Variants in TMC7 observed in about 807,000 individuals in gnomAD.
TMC7 encodes the protein transmembrane channel like 7.
In TMC7, 54 loss-of-function variants were observed where a neutral mutation model predicts 82.9. That is an observed-to-expected ratio of 0.65 (90% CI 0.52 to 0.82). The LOEUF is 0.82. Ranked by LOEUF, TMC7 falls within the 40% of genes least tolerant of loss-of-function variation. TMC7 has a pLI of 0.00. For missense variants in TMC7, 820 were observed against 901.2 expected (o/e 0.91, Z 1.15); for synonymous variants, 350 against 337.9 (o/e 1.04, Z -0.39).
In TMC7 at chr16:19,062,082, A is replaced by G; in HGVS notation, c.*239A>G. 4.9e-6 allele frequency: 2 copies of G among 408,958 alleles called. No homozygotes were observed. The highest frequency in any genetic ancestry group is 8.7e-6 in the Non-Finnish European group (2 of 231,106). The allele number at this position is 408,958 out of a possible 1,614,324, so 25.3% of individuals were successfully genotyped here. Reference sequence around the variant, plus strand: ...CCTGCAGACCGGCCACTCTGTGACAACTCTACCAAAAACCAACAAGCCATT... The same window carrying G: ...CCTGCAGACCGGCCACTCTGTGACAGCTCTACCAAAAACCAACAAGCCATT... On this transcript the variant is annotated 3_prime_UTR_variant, in exon 16 of 16. Transcript: ENST00000304381.
chr16:19,020,067 G>A (rs1038037864), intron 3 of TMC7, among the ~76,000 whole-genome samples: 3 of 152,084 alleles, frequency 2.0e-5, no homozygotes, highest in African/African-American at 7.2e-5. Flanking sequence ...ATCAATCGAT[G>A]TAATTCACCA....
intron 11 of TMC7, among the ~76,000 whole-genome samples, chr16:19,046,593 G>C (rs549770987): frequency 6.6e-6 from 1 of 152,188 alleles, no homozygotes; most frequent in South Asian, 2.1e-4. Context: ...CCTAGCACTG[G>C]GGAGGCCAAG....
In TMC7 at chr16:19,061,939, T is replaced by C; in HGVS notation, c.*96T>C. The C allele has an allele frequency of 3.0e-6, 3 of 995,086 alleles. No homozygotes were observed. Among genetic ancestry groups the C allele is most frequent in the Non-Finnish European group, 4.4e-6 (3 of 680,344 alleles). The allele number at this position is 995,086 out of a possible 1,614,324, so 61.6% of individuals were successfully genotyped here. ...AGTCTACCTGGGTTTTGAGTGGACA[T>C]TTAAAAATATATTTTTCTTGAGTTT... On this transcript the variant is annotated 3_prime_UTR_variant, in exon 16 of 16. Transcript: ENST00000304381.
chr16:19,029,744 G>T (rs1464001410), intron 5 of TMC7, among the ~76,000 whole-genome samples: 1 of 148,730 alleles, frequency 6.7e-6, no homozygotes, highest in Non-Finnish European at 1.5e-5. Flanking sequence ...TCAGTGTTAT[G>T]ATCTCAGCTC....
At chr16:18,993,689 G>T (rs1481280576) in intron 1 of TMC7, among the ~76,000 whole-genome samples, 1 of 152,144 alleles carries the variant, frequency 6.6e-6, no homozygotes, top group Admixed American at 6.6e-5. Context: ...TATTAGAGAG[G>T]CATTAATGAT....
chr16:19,002,813 C>T (rs1390788382), intron 1 of TMC7, among the ~76,000 whole-genome samples: 5 of 152,232 alleles, frequency 3.3e-5, no homozygotes, highest in Admixed American at 6.5e-5. Flanking sequence ...CAGCAGCCCA[C>T]GCTGACCACA....
chr16:19,045,690 AG>A (rs1961245769), intron 11 of TMC7, among the ~76,000 whole-genome samples: 2 of 141,452 alleles, frequency 1.4e-5, no homozygotes, highest in African/African-American at 5.3e-5. Flanking sequence ...TCCGCCTCCC[AG>A]GTTCAAGCGA....
intron 8 of TMC7, among the ~76,000 whole-genome samples, chr16:19,039,260 T>G (rs1960902229): frequency 6.6e-6 from 1 of 151,632 alleles, no homozygotes; most frequent in African/African-American, 2.4e-5. Context: ...CTGGCTAATT[T>G]TTGTATTTTT....
At chr16:19,044,023 C>T (rs1961144172) in intron 9 of TMC7, among the ~76,000 whole-genome samples, 1 of 152,132 alleles carries the variant, frequency 6.6e-6, no homozygotes, top group African/African-American at 2.4e-5. Flanking sequence ...GCGTGTGCCA[C>T]CACACCCAGC....
chr16:19,047,099 T>A lies in TMC7; in HGVS notation c.1590T>A (p.Ile530=). 1 of 1,613,034 alleles carries A rather than the reference T, an allele frequency of 6.2e-7. No homozygotes were observed. Among genetic ancestry groups the A allele is most frequent in the Non-Finnish European group, 8.5e-7 (1 of 1,179,688 alleles). Residue 530 remains isoleucine (I), a synonymous_variant, in exon 12 of 16, where the codon ATT becomes ATA. Coordinates refer to ENST00000304381, the MANE Select transcript of TMC7 (RefSeq NM_024847.4). The stretch of plus-strand genomic sequence containing the variant: ...CCTACTGTTCCTCTTGCAAGCTGAT[T>A]CAGTGCTGGGGGCAGCAGGAGTTTG... The part of the protein sequence containing the change: ...LVTYCSSCKL[I]QCWGQQEFAI...
intron 1 of TMC7, among the ~76,000 whole-genome samples, chr16:18,997,492 C>T (rs1487965138): frequency 1.3e-5 from 2 of 152,160 alleles, no homozygotes; most frequent in Non-Finnish European, 1.5e-5. Context: ...GCCTTAGCCC[C>T]CCAAGTAGCT....
At chr16:19,001,961 C>G (rs2039148575) in intron 1 of TMC7, among the ~76,000 whole-genome samples, 1 of 152,170 alleles carries the variant, frequency 6.6e-6, no homozygotes. Context: ...TTCCATGATA[C>G]TTTGTGTGGG....
chr16:19,008,930 G>T (rs1000330992), intron 1 of TMC7, among the ~76,000 whole-genome samples: 1 of 152,160 alleles, frequency 6.6e-6, no homozygotes, highest in African/African-American at 2.4e-5. Context: ...AAACACTGGA[G>T]ATCAGATATT....
intron 6 of TMC7, among the ~76,000 whole-genome samples, chr16:19,032,830 C>T (rs183196397): frequency 2.0e-4 from 30 of 152,156 alleles, no homozygotes; most frequent in Admixed American, 7.2e-4. Flanking sequence ...GGTTTCACGA[C>T]GTTGGCCAGG....
At position 18,984,010 on chromosome 16, in the gene TMC7, C is replaced by T; in HGVS notation, c.-54C>T. 2.2e-6 allele frequency: 3 copies of T among 1,369,616 alleles called. No individual in the cohort carries two copies. The highest frequency in any genetic ancestry group is 1.9e-6 in the Non-Finnish European group (2 of 1,068,012). 84.8% of individuals were successfully genotyped at this position (1,369,616 alleles called of 1,614,324 possible). A position where few individuals can be genotyped will look rare whatever the true frequency, so the allele number is the denominator to read the frequency against. On this transcript the variant is annotated 5_prime_UTR_variant, in exon 1 of 16. Coordinates refer to ENST00000304381, the MANE Select transcript of TMC7 (RefSeq NM_024847.4). The stretch of plus-strand genomic sequence containing the variant: ...GGGAAGGCCGGGGAGGCGGCGGCGG[C>T]GGCGGCGGCTGGAGAGGGTCCTCGG...
intron 5 of TMC7, among the ~76,000 whole-genome samples, chr16:19,024,289 C>T (rs564484115): frequency 3.9e-5 from 6 of 152,142 alleles, no homozygotes; most frequent in South Asian, 2.1e-4. Flanking sequence ...GGCGTGGTGG[C>T]GTGCACCTGT....
intron 5 of TMC7, among the ~76,000 whole-genome samples, chr16:19,029,917 T>C (rs1226005712): frequency 2.0e-5 from 3 of 152,118 alleles, no homozygotes; most frequent in African/African-American, 7.2e-5. Context: ...GGTTTTGCCA[T>C]GTTGGCCAGG....
At chr16:19,021,038 TCTC>T (rs1246026072) in intron 3 of TMC7, among the ~76,000 whole-genome samples, 1 of 152,108 alleles carries the variant, frequency 6.6e-6, no homozygotes, top group Non-Finnish European at 1.5e-5. Flanking sequence ...ATATGTCACT[TCTC>T]CTCAAATTGA....
At chr16:19,022,751 G>A (rs574566414) in intron 4 of TMC7, among the ~76,000 whole-genome samples, 7 of 152,330 alleles carry the variant, frequency 4.6e-5, no homozygotes, top group South Asian at 2.1e-4. Flanking sequence ...GGCTGTGGCC[G>A]GGTCCGGGGG....
Sources: allele counts gnomAD v4.1 joint callset (sites outside exome capture counted in the v4.1 genomes callset), GRCh38; gene constraint gnomAD v4.1.1; transcripts MANE v1.5; gene names NCBI Gene and HGNC (gene_info 2026-07-23, HGNC 2026-07-21).